Variants in SPECC1 observed in about 807,000 individuals in gnomAD.
The protein encoded by SPECC1 is sperm antigen with calponin homology and coiled-coil domains 1.
A neutral mutation model predicts 104.1 loss-of-function variants in SPECC1; 62 were observed. That is an observed-to-expected ratio of 0.60 (90% CI 0.49 to 0.74). The LOEUF (loss-of-function observed/expected upper bound fraction) is 0.74, where lower values mean the gene tolerates loss of function less well. Ranked by LOEUF, SPECC1 falls within the 30% of genes least tolerant of loss-of-function variation. The pLI is 0.00. For missense variants in SPECC1, 1,306 were observed against 1,310.5 expected (o/e 1.00, Z 0.05); for synonymous variants, 513 against 501.6 (o/e 1.02, Z -0.30).
intron 3 of SPECC1, among the ~76,000 whole-genome samples, chr17:20,145,755 T>C (rs2031394077): frequency 1.3e-5 from 2 of 152,224 alleles, no homozygotes; most frequent in South Asian, 4.1e-4. Context: ...CAGGCCACCT[T>C]CTCTCAGGGC....
chr17:20,270,953 T>C (rs1183359781), intron 12 of SPECC1, among the ~76,000 whole-genome samples: 4 of 152,232 alleles, frequency 2.6e-5, no homozygotes, highest in African/African-American at 7.2e-5. Context: ...AGAAGCACTT[T>C]TTATCAACTT....
intron 3 of SPECC1, among the ~76,000 whole-genome samples, chr17:20,132,309 T>C (rs1228428575): frequency 6.6e-6 from 1 of 152,206 alleles, no homozygotes; most frequent in African/African-American, 2.4e-5. Flanking sequence ...TTGTTAAGAA[T>C]TTAAAAATCT....
chr17:20,288,875 C>A (rs544297530), intron 12 of SPECC1, among the ~76,000 whole-genome samples: 1 of 151,582 alleles, frequency 6.6e-6, no homozygotes, highest in Non-Finnish European at 1.5e-5. Context: ...CCTCCGCCCC[C>A]CCGGGTTCAA....
chr17:20,246,191 CCAGGTCCTACCACGTGCAGCCA>C, intron 8 of SPECC1, 120 bp downstream of exon 8: 2 of 1,181,000 alleles, frequency 1.7e-6, no homozygotes, highest in Non-Finnish European at 2.4e-6. Flanking sequence ...AGGGCGCTTT[CCAGGTCCTACCACGTGCAGCCA>C]CTGCATGCAG....
chr17:20,039,151 A>G lies in SPECC1; in HGVS notation c.-22+29727A>G, dbSNP rs184088977. On this transcript the variant is annotated intron_variant, in intron 1 of 14. Transcript: ENST00000395527. ...TCCATCCAAGCCTTCGGCAATCACT[A>G]GTGAGCTTTGTTTTATGGCCCAGGG... 3.9e-5 allele frequency among the ~76,000 whole-genome samples: 6 copies of G among 152,264 alleles called. No individual in the cohort carries two copies. The East Asian group carries it at 7.7e-4, about 20-fold the overall frequency.
At chr17:20,262,692 G>A (rs780426825) in intron 12 of SPECC1, among the ~76,000 whole-genome samples, 3 of 152,130 alleles carry the variant, frequency 2.0e-5, no homozygotes, top group Non-Finnish European at 4.4e-5. Flanking sequence ...TTTGAGGGAG[G>A]TGGGGATGGA....
chr17:20,227,147 T>C (rs2038267304), intron 4 of SPECC1, among the ~76,000 whole-genome samples: 1 of 152,188 alleles, frequency 6.6e-6, no homozygotes, highest in Non-Finnish European at 1.5e-5. Context: ...ATCGTGTTTC[T>C]CTGACTATTC....
intron 13 of SPECC1, among the ~76,000 whole-genome samples, chr17:20,299,187 C>T (rs940227603): frequency 6.6e-6 from 1 of 151,710 alleles, no homozygotes; most frequent in African/African-American, 2.4e-5. Context: ...TCTTTTAAGG[C>T]CTTCACCTGA....
chr17:20,051,884 G>A (rs1393383379), intron 1 of SPECC1, among the ~76,000 whole-genome samples: 1 of 152,150 alleles, frequency 6.6e-6, no homozygotes, highest in Non-Finnish European at 1.5e-5. Flanking sequence ...AGTTTGATAC[G>A]TTCCTGTACA....
chr17:20,257,243 G>T (rs1330961068), intron 10 of SPECC1, among the ~76,000 whole-genome samples: 3 of 152,220 alleles, frequency 2.0e-5, no homozygotes, highest in Non-Finnish European at 4.4e-5. Context: ...TTTTGAGCAG[G>T]AGGTTGATTT....
At chr17:20,308,935 C>T (rs1184985056) in intron 14 of SPECC1, among the ~76,000 whole-genome samples, 1 of 152,080 alleles carries the variant, frequency 6.6e-6, no homozygotes, top group Non-Finnish European at 1.5e-5. Context: ...TTAATATTTA[C>T]TTCTGTTTAA....
At chr17:20,103,502 A>G (rs2048040178) in intron 2 of SPECC1, among the ~76,000 whole-genome samples, 3 of 152,112 alleles carry the variant, frequency 2.0e-5, no homozygotes, top group Admixed American at 2.0e-4. Flanking sequence ...TCCAGCCTCT[A>G]GTGGGTTTTT....
At chr17:20,125,837 T>C (rs551633935) in intron 3 of SPECC1, among the ~76,000 whole-genome samples, 1 of 152,366 alleles carries the variant, frequency 6.6e-6, no homozygotes, top group African/African-American at 2.4e-5. Context: ...GAGGATGTTA[T>C]GAACTCTGCA....
intron 1 of SPECC1, among the ~76,000 whole-genome samples, chr17:20,095,071 GTTCA>G (rs1320686054): frequency 6.6e-6 from 1 of 152,200 alleles, no homozygotes; most frequent in Non-Finnish European, 1.5e-5. Flanking sequence ...CTCCGGCTCT[GTTCA>G]TTCATTTTAT....
chr17:20,114,360 T>A (rs554290509), intron 3 of SPECC1, among the ~76,000 whole-genome samples: 4 of 152,004 alleles, frequency 2.6e-5, no homozygotes, highest in Admixed American at 1.3e-4. Flanking sequence ...CCCAGCTAAT[T>A]TTTGTATTTT....
chr17:20,246,161 C>A (rs1194283814), intron 8 of SPECC1, 90 bp downstream of exon 8: 7 of 1,502,138 alleles, frequency 4.7e-6, no homozygotes, highest in Non-Finnish European at 6.3e-6. Flanking sequence ...CCACCCTGGC[C>A]CTGTGTTGTT....
chr17:20,039,767 G>A (rs1035197724), intron 1 of SPECC1, among the ~76,000 whole-genome samples: 11 of 152,012 alleles, frequency 7.2e-5, no homozygotes, highest in African/African-American at 2.4e-4. Context: ...ATGTTGTCCA[G>A]GCTGGTCTGG....
At chr17:20,192,461 C>T (rs1310681353) in intron 3 of SPECC1, among the ~76,000 whole-genome samples, 1 of 152,078 alleles carries the variant, frequency 6.6e-6, no homozygotes, top group East Asian at 1.9e-4. Context: ...AACACATGGC[C>T]CTGCAACCCT....
intron 2 of SPECC1, among the ~76,000 whole-genome samples, chr17:20,107,164 AAAAAAGAAAAGAAAAACAAAAG>A (rs1453594742): frequency 4.0e-5 from 6 of 149,118 alleles, no homozygotes; most frequent in Non-Finnish European, 8.9e-5. Context: ...AAAAAAAAAA[AAAAAAGAAAAGAAAAACAAAAG>A]AAAATGTGAT....
Sources: gnomAD v4.1 joint callset for allele counts (sites outside exome capture counted in the v4.1 genomes callset) on GRCh38, gnomAD v4.1.1 for gene constraint, MANE v1.5 for transcripts, NCBI Gene and HGNC (gene_info 2026-07-23, HGNC 2026-07-21) for gene names.